The following LRRIQ1 variants were observed in gnomAD, a reference collection of about 807,000 sequenced individuals.
The protein encoded by LRRIQ1 is leucine rich repeats and IQ motif containing 1.
LRRIQ1 carries 210 observed loss-of-function variants against 211.9 expected under a neutral mutation model. The observed-to-expected ratio is 0.99, with a 90% CI of 0.89 to 1.11. The LOEUF (loss-of-function observed/expected upper bound fraction) is 1.11, where lower values mean the gene tolerates loss of function less well. LRRIQ1 is among the 50% of genes most tolerant of loss of function. LRRIQ1 has a pLI of 0.00. For synonymous variants in LRRIQ1, 699 were observed against 650.1 expected (o/e 1.08, Z -1.14); for missense variants, 2,136 against 1,939.5 (o/e 1.10, Z -1.90).
Position 85,056,281 on chromosome 12 carries a change from G to T in LRRIQ1, c.1488G>T (p.Leu496Phe). 3 of 1,582,872 alleles carry T rather than the reference G, an allele frequency of 1.9e-6. No homozygotes were observed. The highest frequency in any genetic ancestry group is 1.7e-6 in the Non-Finnish European group (2 of 1,171,950). ...CAAAAAAACGATGTTCAGAAGAATTGGTCAAGCAAGAAAGAAAATATGAAA... is the reference window on the plus strand; with the variant it reads ...CAAAAAAACGATGTTCAGAAGAATTTGTCAAGCAAGAAAGAAAATATGAAA... ...NLAKKRCSEE[L>F]VKQERKYENT... The change falls in exon 8 of 27, where the codon TTG (leucine) becomes TTT (phenylalanine). Residue 496 changes from leucine (L) to phenylalanine (F), a missense_variant. Leu to Phe is a conservative substitution (Grantham distance 22, BLOSUM62 0). Coordinates refer to ENST00000393217, the MANE Select transcript of LRRIQ1 (RefSeq NM_001079910.2).
intron 11 of LRRIQ1, among the ~76,000 whole-genome samples, chr12:85,077,373 A>G (rs1343399966): frequency 6.6e-6 from 1 of 152,214 alleles, no homozygotes; most frequent in Non-Finnish European, 1.5e-5. Context: ...AGGAAACTTT[A>G]AAAGAGCTGT....
At chr12:85,085,517 T>C (rs1052789400) in intron 11 of LRRIQ1, among the ~76,000 whole-genome samples, 1 of 152,192 alleles carries the variant, frequency 6.6e-6, no homozygotes, top group Non-Finnish European at 1.5e-5. Flanking sequence ...TGAGGTTTGT[T>C]GTATGCATAA....
chr12:85,063,912 C>T (rs1882134179), intron 8 of LRRIQ1, among the ~76,000 whole-genome samples: 1 of 151,646 alleles, frequency 6.6e-6, no homozygotes, highest in African/African-American at 2.4e-5. Flanking sequence ...GTATATGTAC[C>T]ACTTTTTCTC....
At chr12:85,189,741 T>G (rs1427001982) in intron 24 of LRRIQ1, among the ~76,000 whole-genome samples, 1 of 148,720 alleles carries the variant, frequency 6.7e-6, no homozygotes. Context: ...AATTTCCTTT[T>G]CCTGGTGGGA....
chr12:85,134,240 T>C (rs1009657866), intron 18 of LRRIQ1, among the ~76,000 whole-genome samples: 4 of 152,142 alleles, frequency 2.6e-5, no homozygotes, highest in Non-Finnish European at 4.4e-5. Context: ...GGTTGGTGGC[T>C]CATAGGCTCC....
intron 24 of LRRIQ1, among the ~76,000 whole-genome samples, chr12:85,207,784 G>T (rs1212042959): frequency 6.6e-6 from 1 of 152,064 alleles, no homozygotes; most frequent in Non-Finnish European, 1.5e-5. Flanking sequence ...GATGAAAAAA[G>T]TATTTTTTTC....
chr12:85,244,151 C>T (rs1327186562), intron 26 of LRRIQ1, among the ~76,000 whole-genome samples: 1 of 151,200 alleles, frequency 6.6e-6, no homozygotes, highest in Non-Finnish European at 1.5e-5. Flanking sequence ...CACTTAGATT[C>T]GGTCTAAGTA....
intron 24 of LRRIQ1, among the ~76,000 whole-genome samples, chr12:85,174,754 A>G (rs1200009675): frequency 1.3e-5 from 2 of 151,130 alleles, no homozygotes; most frequent in Non-Finnish European, 2.9e-5. Flanking sequence ...AATAGCAGCA[A>G]TGTCAACAAC....
chr12:85,130,708 A>C (rs912394592), intron 18 of LRRIQ1, among the ~76,000 whole-genome samples: 1 of 152,158 alleles, frequency 6.6e-6, no homozygotes, highest in Non-Finnish European at 1.5e-5. Context: ...TGAATTTTAG[A>C]CTGCCTAAAC....
At chr12:85,229,701 A>C in intron 25 of LRRIQ1, 52 bp downstream of exon 25, 2 of 1,552,360 alleles carry the variant, frequency 1.3e-6, no homozygotes, top group Non-Finnish European at 1.8e-6. Context: ...ACATCTTGAA[A>C]ATTGAAACCT....
At chr12:85,077,181 G>C (rs1162231038) in intron 11 of LRRIQ1, among the ~76,000 whole-genome samples, 2 of 152,148 alleles carry the variant, frequency 1.3e-5, no homozygotes, top group African/African-American at 4.8e-5. Flanking sequence ...TAATTTTGCT[G>C]TTCCTTACAG....
intron 18 of LRRIQ1, among the ~76,000 whole-genome samples, chr12:85,131,178 A>G (rs982891647): frequency 4.0e-5 from 6 of 151,246 alleles, no homozygotes; most frequent in Non-Finnish European, 4.4e-5. Flanking sequence ...ACACCACTGC[A>G]CTCCAGCCTG....
At chr12:85,036,804 C>A (rs1165615191) in intron 1 of LRRIQ1, among the ~76,000 whole-genome samples, 1 of 151,758 alleles carries the variant, frequency 6.6e-6, no homozygotes, top group Non-Finnish European at 1.5e-5. Context: ...ATTTCTCTCC[C>A]CTTTCTTTAC....
At chr12:85,182,685 C>G (rs998433853) in intron 24 of LRRIQ1, among the ~76,000 whole-genome samples, 2 of 152,058 alleles carry the variant, frequency 1.3e-5, no homozygotes, top group African/African-American at 4.8e-5. Flanking sequence ...GAATTAATGG[C>G]TCTCCACCAG....
intron 24 of LRRIQ1, among the ~76,000 whole-genome samples, chr12:85,192,960 A>ATAAAT (rs1565894810): frequency 1.1e-5 from 1 of 87,090 alleles, no homozygotes; most frequent in African/African-American, 5.8e-5. Flanking sequence ...ATAATTATAT[A>ATAAAT]ATATAATTAT....
chr12:85,211,855 C>T (rs978700213), intron 24 of LRRIQ1, among the ~76,000 whole-genome samples: 2 of 152,174 alleles, frequency 1.3e-5, no homozygotes, highest in African/African-American at 4.8e-5. Context: ...GAGAATCACA[C>T]TGGAAACCAA....
chr12:85,183,377 T>G (rs1348841531), intron 24 of LRRIQ1, among the ~76,000 whole-genome samples: 1 of 152,020 alleles, frequency 6.6e-6, no homozygotes, highest in Non-Finnish European at 1.5e-5. Context: ...CTACATGCCT[T>G]GTAGACTGAA....
intron 26 of LRRIQ1, among the ~76,000 whole-genome samples, chr12:85,238,681 C>T (rs1010222278): frequency 7.2e-5 from 11 of 151,772 alleles, no homozygotes; most frequent in Admixed American, 3.9e-4. Flanking sequence ...AAATGTTTAC[C>T]ACGAATTCAA....
At chr12:85,106,065 G>A (rs957310796) in intron 14 of LRRIQ1, among the ~76,000 whole-genome samples, 11 of 152,072 alleles carry the variant, frequency 7.2e-5, no homozygotes, top group Non-Finnish European at 1.6e-4. Context: ...CAAAGTGCTG[G>A]GATTACAGGT....
Sources: allele counts gnomAD v4.1 joint callset (sites outside exome capture counted in the v4.1 genomes callset), GRCh38; gene constraint gnomAD v4.1.1; transcripts MANE v1.5; gene names NCBI Gene and HGNC (gene_info 2026-07-23, HGNC 2026-07-21).